TSHZ2: variants seen among roughly 807,000 people sequenced by gnomAD.
The protein encoded by TSHZ2 is teashirt zinc finger homeobox 2, also known as teashirt homolog 2.
In TSHZ2, 21 loss-of-function variants were observed where a neutral mutation model predicts 74.4. The observed-to-expected ratio is 0.28, with a 90% confidence interval of 0.20 to 0.41. The LOEUF (loss-of-function observed/expected upper bound fraction) is 0.41, where lower values mean the gene tolerates loss of function less well. Among genes scored for constraint, TSHZ2 ranks in the 10% least tolerant of loss-of-function variants. TSHZ2 has a pLI of 1.00. For missense variants in TSHZ2, 1,244 were observed against 1,293.5 expected (o/e 0.96, Z 0.59); for synonymous variants, 540 against 515.3 (o/e 1.05, Z -0.65).
chr20:53,016,225 C>T (rs1417154422), intron 1 of TSHZ2, among the ~76,000 whole-genome samples: 3 of 152,102 alleles, frequency 2.0e-5, no homozygotes, highest in African/African-American at 7.2e-5. Context: ...TCATTCAGGC[C>T]AGCACTGCCT....
intron 2 of TSHZ2, among the ~76,000 whole-genome samples, chr20:53,396,546 A>G (rs1004986078): frequency 6.6e-6 from 1 of 152,128 alleles, no homozygotes; most frequent in Non-Finnish European, 1.5e-5. Context: ...CAATCCCATC[A>G]GTTAAAAAAG....
intron 1 of TSHZ2, among the ~76,000 whole-genome samples, chr20:53,248,897 G>A (rs986821849): frequency 7.2e-5 from 11 of 152,142 alleles, no homozygotes; most frequent in African/African-American, 1.4e-4. Flanking sequence ...GGAGTGCAGT[G>A]GCAGAATCTC....
At chr20:53,289,443 G>A (rs1416104745) in intron 2 of TSHZ2, among the ~76,000 whole-genome samples, 1 of 152,146 alleles carries the variant, frequency 6.6e-6, no homozygotes, top group Non-Finnish European at 1.5e-5. Context: ...CAGTGTTAAA[G>A]TGTTCCCTTT....
intron 2 of TSHZ2, among the ~76,000 whole-genome samples, chr20:53,303,862 C>T (rs1488791533): frequency 2.6e-5 from 4 of 152,092 alleles, no homozygotes; most frequent in Non-Finnish European, 5.9e-5. Flanking sequence ...TGTAAGTACC[C>T]AATACACATT....
chr20:53,136,718 T>C (rs888462040), intron 1 of TSHZ2, among the ~76,000 whole-genome samples: 2 of 152,162 alleles, frequency 1.3e-5, no homozygotes, highest in Non-Finnish European at 2.9e-5. Context: ...AAACTTGATA[T>C]TATAGTTTCC....
At chr20:53,411,737 GAGGATATCTTCAGCCT>G (rs1469456474) in intron 2 of TSHZ2, among the ~76,000 whole-genome samples, 4 of 152,138 alleles carry the variant, frequency 2.6e-5, no homozygotes, top group African/African-American at 9.7e-5. Flanking sequence ...GCTGAGGCAA[GAGGATATCTTCAGCCT>G]AGGAAGTCAA....
At chr20:53,372,316 A>G (rs959176089) in intron 2 of TSHZ2, among the ~76,000 whole-genome samples, 1 of 152,090 alleles carries the variant, frequency 6.6e-6, no homozygotes, top group Non-Finnish European at 1.5e-5. Flanking sequence ...TCTCTACTGA[A>G]AAAAGAAAAA....
At position 53,254,728 on chromosome 20, in the gene TSHZ2, T is replaced by A; in HGVS notation, c.1270T>A (p.Leu424Ile). 1 of 1,613,940 alleles carries A rather than the reference T, an allele frequency of 6.2e-7. No individual in the cohort carries two copies. The highest frequency in any genetic ancestry group is 8.5e-7 in the Non-Finnish European group (1 of 1,179,848). The change falls in exon 2 of 3, where the codon TTA becomes ATA. Residue 424 changes from leucine to isoleucine, a missense_variant. Physicochemically the swap from Leu to Ile is conservative, Grantham distance 5. Transcript: ENST00000371497. ...KKGKQLVLDPLAVEKMQSLSE... is the reference protein window; with the variant it reads ...KKGKQLVLDPIAVEKMQSLSE... ...AGGGAAGCAGCTGGTATTAGACCCG[T>A]TAGCAGTGGAGAAAATGCAGTCGTT...
intron 1 of TSHZ2, among the ~76,000 whole-genome samples, chr20:52,973,829 G>A (rs1981224504): frequency 6.6e-6 from 1 of 152,138 alleles, no homozygotes; most frequent in Admixed American, 6.5e-5. Flanking sequence ...GGAGTTTAGC[G>A]TTGATCACCA....
intron 2 of TSHZ2, among the ~76,000 whole-genome samples, chr20:53,417,204 C>A (rs551418134): frequency 6.6e-6 from 1 of 150,604 alleles, no homozygotes; most frequent in East Asian, 1.9e-4. Flanking sequence ...TTGCAAACAT[C>A]CCTGAGGATA....
intron 1 of TSHZ2, among the ~76,000 whole-genome samples, chr20:53,051,483 A>G (rs942911459): frequency 6.6e-6 from 1 of 151,892 alleles, no homozygotes; most frequent in African/African-American, 2.4e-5. Context: ...ACACACACAC[A>G]CACACACACA....
At chr20:53,340,935 A>G (rs1340321787) in intron 2 of TSHZ2, among the ~76,000 whole-genome samples, 1 of 152,118 alleles carries the variant, frequency 6.6e-6, no homozygotes, top group Non-Finnish European at 1.5e-5. Flanking sequence ...AAAAAAATTG[A>G]GCGCAATTAT....
chr20:53,252,227 C>T (rs1271001975), intron 1 of TSHZ2, among the ~76,000 whole-genome samples: 2 of 152,190 alleles, frequency 1.3e-5, no homozygotes, highest in Admixed American at 6.5e-5. Flanking sequence ...ATTCTCCGTG[C>T]CTGCCTCACA....
chr20:53,383,090 G>A (rs899153075), intron 2 of TSHZ2, among the ~76,000 whole-genome samples: 21 of 151,680 alleles, frequency 1.4e-4, no homozygotes, highest in Non-Finnish European at 2.1e-4. Context: ...GTGAAACCCC[G>A]TCTCTAATAA....
chr20:53,264,195 T>G (rs1990660778), intron 2 of TSHZ2, among the ~76,000 whole-genome samples: 1 of 152,222 alleles, frequency 6.6e-6, no homozygotes, highest in African/African-American at 2.4e-5. Context: ...CTATGGTATT[T>G]GTCTAATCCT....
At chr20:53,250,663 C>T (rs1990304682) in intron 1 of TSHZ2, among the ~76,000 whole-genome samples, 1 of 152,082 alleles carries the variant, frequency 6.6e-6, no homozygotes, top group Non-Finnish European at 1.5e-5. Context: ...AGTTACTCTT[C>T]TGTAAAGGTT....
intron 1 of TSHZ2, among the ~76,000 whole-genome samples, chr20:53,241,208 T>C (rs569770160): frequency 4.6e-5 from 7 of 152,320 alleles, no homozygotes; most frequent in Admixed American, 4.6e-4. Context: ...TTCTCCAAAC[T>C]GTCCATTCAA....
rs562001155 is a variant in TSHZ2, at chr20:53,360,398, A to G, written c.*8+103827A>G. 5.9e-5 allele frequency among the ~76,000 whole-genome samples: 9 copies of G among 152,294 alleles called. No individual in the cohort carries two copies. The South Asian group carries it at 1.7e-3, about 28-fold the overall frequency. ...TTTAAGTACTCTGCCCGTGACTTTT[A>G]CTTTTGTTAACCGAAGTCAATAAAT... On this transcript the variant is annotated intron_variant, in intron 2 of 2. Transcript: ENST00000371497.
intron 2 of TSHZ2, among the ~76,000 whole-genome samples, chr20:53,324,170 A>G (rs1302830449): frequency 1.3e-5 from 2 of 152,078 alleles, no homozygotes; most frequent in Admixed American, 6.5e-5. Flanking sequence ...ACTCACAGGA[A>G]TGGTTCCAGT....
Sources: gnomAD v4.1 joint callset for allele counts (sites outside exome capture counted in the v4.1 genomes callset) on GRCh38, gnomAD v4.1.1 for gene constraint, MANE v1.5 for transcripts, NCBI Gene and HGNC (gene_info 2026-07-23, HGNC 2026-07-21) for gene names.